Variants in SUCLG2 observed in about 807,000 individuals in gnomAD.
SUCLG2 encodes the protein succinate-CoA ligase GDP-forming subunit beta, also known as succinate--CoA ligase [GDP-forming] subunit beta, mitochondrial.
In SUCLG2, 42 loss-of-function variants were observed where a neutral mutation model predicts 47.9. The ratio of observed to expected loss-of-function variants is 0.88; its 90% CI spans 0.69 to 1.14. The LOEUF is 1.14. SUCLG2 is among the 50% of genes most tolerant of loss of function. The pLI, the probability that SUCLG2 is intolerant of heterozygous loss-of-function variation, is 0.00. For missense variants in SUCLG2, 571 were observed against 525.9 expected (o/e 1.09, Z -0.84); for synonymous variants, 195 against 197.3 (o/e 0.99, Z 0.10).
In SUCLG2 at chr3:67,537,436, A is replaced by C. The variant is rs146448781; in HGVS notation, c.227-8250T>G. On this transcript the variant is annotated intron_variant, in intron 2 of 10. Transcript: ENST00000307227. ...ATGGCTGCATAGTATTCCATAATTT[A>C]TATGTGCCACATTTTCTTTATTCAG... 4.4e-3 allele frequency among the ~76,000 whole-genome samples: 677 copies of C among 152,294 alleles called. 8 individuals carry two copies. The East Asian group carries it at 0.054, about 12-fold the overall frequency.
chr3:67,512,214 T>G (rs1705811796), intron 6 of SUCLG2, among the ~76,000 whole-genome samples: 1 of 151,290 alleles, frequency 6.6e-6, no homozygotes, highest in African/African-American at 2.5e-5. Context: ...GTCAGACTTT[T>G]AAAAGGCTAG....
intron 9 of SUCLG2, among the ~76,000 whole-genome samples, chr3:67,429,359 T>C (rs1033864285): frequency 1.3e-5 from 2 of 152,148 alleles, no homozygotes; most frequent in African/African-American, 4.8e-5. Flanking sequence ...CTAAGCTTCA[T>C]AAGTGAAAGA....
intron 2 of SUCLG2, among the ~76,000 whole-genome samples, chr3:67,529,865 G>A (rs909377118): frequency 8.5e-5 from 13 of 152,194 alleles, no homozygotes; most frequent in Non-Finnish European, 1.5e-4. Context: ...CTTTTTAGAC[G>A]AGAGTTATTA....
chr3:67,524,539 A>G (rs1398159956), intron 4 of SUCLG2, among the ~76,000 whole-genome samples: 4 of 152,314 alleles, frequency 2.6e-5, no homozygotes, highest in Admixed American at 1.3e-4. Context: ...AGGAATACAT[A>G]ACACATTGGC....
At chr3:67,510,915 C>T (rs1179063082) in intron 6 of SUCLG2, among the ~76,000 whole-genome samples, 11 of 144,690 alleles carry the variant, frequency 7.6e-5, no homozygotes, top group African/African-American at 2.6e-4. Flanking sequence ...TTTTTGAGAC[C>T]GAGACTTGCA....
chr3:67,645,816 G>A (rs1701180725), intron 1 of SUCLG2, among the ~76,000 whole-genome samples: 1 of 151,468 alleles, frequency 6.6e-6, no homozygotes, highest in South Asian at 2.1e-4. Flanking sequence ...TTCAAAGGTA[G>A]GAAAGGACTT....
At position 67,374,899 on chromosome 3, in the gene SUCLG2, G is replaced by A. The variant is rs1002256146; in HGVS notation, c.*845C>T. 1 of 985,120 alleles carries A rather than the reference G, an allele frequency of 1.0e-6. No homozygotes were observed. Among genetic ancestry groups the A allele is most frequent in the Non-Finnish European group, 1.2e-6 (1 of 829,876 alleles). 61.0% of individuals were successfully genotyped at this position (985,120 alleles called of 1,614,324 possible). A position where few individuals can be genotyped will look rare whatever the true frequency, so the allele number is the denominator to read the frequency against. On this transcript the variant is annotated 3_prime_UTR_variant, in exon 11 of 11. Transcript: ENST00000307227. The stretch of plus-strand genomic sequence containing the variant: ...AACTGGTAGATTCTGGGAGGATGAG[G>A]AGTAAGAGAGAAACGAGGAGAGAAG...
intron 9 of SUCLG2, among the ~76,000 whole-genome samples, chr3:67,413,046 A>G (rs191908879): frequency 6.6e-6 from 1 of 152,344 alleles, no homozygotes; most frequent in East Asian, 1.9e-4. Context: ...AAGCCATTAA[A>G]TGAGTATTAT....
chr3:67,396,993 C>T (rs1262660838), intron 10 of SUCLG2, among the ~76,000 whole-genome samples: 1 of 151,730 alleles, frequency 6.6e-6, no homozygotes, highest in Non-Finnish European at 1.5e-5. Context: ...TAAAAACTCT[C>T]AATAAATTAG....
At chr3:67,584,929 C>T (rs574648490) in intron 2 of SUCLG2, among the ~76,000 whole-genome samples, 1 of 152,178 alleles carries the variant, frequency 6.6e-6, no homozygotes, top group Non-Finnish European at 1.5e-5. Flanking sequence ...GGGTCCCTCC[C>T]CAAGACACAT....
chr3:67,640,074 G>A (rs6787853), intron 1 of SUCLG2, among the ~76,000 whole-genome samples: 61,252 of 152,096 alleles, frequency 0.4, 13,240 homozygotes, highest in African/African-American at 0.56. Context: ...TTTGAGGTAT[G>A]AAGTCCTAAG....
intron 1 of SUCLG2, among the ~76,000 whole-genome samples, chr3:67,645,368 T>A (rs1424729718): frequency 6.6e-6 from 1 of 152,082 alleles, no homozygotes; most frequent in Non-Finnish European, 1.5e-5. Context: ...CCTAAAAGCG[T>A]CCTCAGGCCC....
At chr3:67,455,990 A>G (rs1221313911) in intron 9 of SUCLG2, among the ~76,000 whole-genome samples, 1 of 152,248 alleles carries the variant, frequency 6.6e-6, no homozygotes, top group African/African-American at 2.4e-5. Flanking sequence ...TAAGACCTCA[A>G]TCAGGGGTGA....
chr3:67,389,196 C>G (rs577120906), intron 10 of SUCLG2, among the ~76,000 whole-genome samples: 3 of 152,086 alleles, frequency 2.0e-5, no homozygotes, highest in Admixed American at 6.5e-5. Flanking sequence ...GATGAGACAA[C>G]AAGGGGAATC....
Position 67,458,029 on chromosome 3 carries a change from A to G in SUCLG2, c.1062+37769T>C, listed in dbSNP as rs1381692254. On this transcript the variant is annotated intron_variant, in intron 9 of 10. Coordinates refer to ENST00000307227, the MANE Select transcript of SUCLG2 (RefSeq NM_003848.4). Reference sequence around the variant, plus strand: ...TTGCCCTCTCAGATGCTTAAGGGCCACATAGGGAGGCTGGTTACTTTGCTG... The same window carrying G: ...TTGCCCTCTCAGATGCTTAAGGGCCGCATAGGGAGGCTGGTTACTTTGCTG... Among the ~76,000 whole-genome samples, 5 of 152,096 alleles carry G rather than the reference A, an allele frequency of 3.3e-5. No homozygotes were observed. The East Asian group carries it at 9.6e-4, about 29-fold the overall frequency.
At chr3:67,454,419 A>AGAGT (rs1704132107) in intron 9 of SUCLG2, among the ~76,000 whole-genome samples, 1 of 149,544 alleles carries the variant, frequency 6.7e-6, no homozygotes, top group East Asian at 2.0e-4. Context: ...AAAAAAATAG[A>AGAGT]AGGTGAAATA....
chr3:67,647,147 C>A (rs938286041), intron 1 of SUCLG2, among the ~76,000 whole-genome samples: 1 of 152,022 alleles, frequency 6.6e-6, no homozygotes, highest in Non-Finnish European at 1.5e-5. Context: ...TGGATGGGAG[C>A]AGAAAAAAGA....
chr3:67,616,879 G>A (rs1025521167), intron 1 of SUCLG2, among the ~76,000 whole-genome samples: 3 of 152,144 alleles, frequency 2.0e-5, no homozygotes, highest in Admixed American at 6.5e-5. Flanking sequence ...CAGCAGTGAC[G>A]ACAGTGGAAT....
Position 67,448,478 on chromosome 3 carries a change from G to A in SUCLG2, c.1062+47320C>T, listed in dbSNP as rs1170399255. ...TCAGCTCACTGCAACCTCTGCTCCC[G>A]GGTTCAAGTGATTCTCATGCCTCAG... is the stretch of plus-strand genomic sequence containing the variant. On this transcript the variant is annotated intron_variant, in intron 9 of 10. Transcript: ENST00000307227. Among the ~76,000 whole-genome samples, 4 of 152,178 alleles carry A rather than the reference G, an allele frequency of 2.6e-5. No individual in the cohort carries two copies. The South Asian group carries it at 6.3e-4, about 24-fold the overall frequency.
Sources: gnomAD v4.1 joint callset for allele counts (sites outside exome capture counted in the v4.1 genomes callset) on GRCh38, gnomAD v4.1.1 for gene constraint, MANE v1.5 for transcripts, NCBI Gene and HGNC (gene_info 2026-07-23, HGNC 2026-07-21) for gene names.